The following SNX29 variants were observed in gnomAD, a reference collection of about 807,000 sequenced individuals.
The protein encoded by SNX29 is sorting nexin-29.
Under a neutral mutation model 102.1 loss-of-function variants are expected in SNX29, and 78 were observed. The observed-to-expected ratio is 0.76, with a 90% confidence interval of 0.64 to 0.92. The LOEUF (loss-of-function observed/expected upper bound fraction) is 0.92, where lower values mean the gene tolerates loss of function less well. Among genes scored for constraint, SNX29 ranks in the 40% least tolerant of loss-of-function variants. SNX29 has a pLI of 0.00. For missense variants in SNX29, 1,280 were observed against 1,061.7 expected, an observed-to-expected ratio of 1.21 and a Z score of -2.86; for synonymous variants, 580 against 414.5, an observed-to-expected ratio of 1.40 and a Z score of -4.85.
At chr16:12,133,873 G>A (rs2054563442) in intron 13 of SNX29, among the ~76,000 whole-genome samples, 1 of 152,220 alleles carries the variant, frequency 6.6e-6, no homozygotes, top group South Asian at 2.1e-4. Context: ...GTATATGTGT[G>A]TTTCACTGGC....
At chr16:12,131,782 G>A (rs2054478080) in intron 13 of SNX29, among the ~76,000 whole-genome samples, 1 of 152,220 alleles carries the variant, frequency 6.6e-6, no homozygotes, top group South Asian at 2.1e-4. Context: ...GTTAGATGCT[G>A]TGAATGGCTC....
chr16:12,527,308 G>A (rs1404607785), intron 20 of SNX29: 5 of 531,698 alleles, frequency 9.4e-6, no homozygotes, highest in Admixed American at 2.2e-5. Context: ...AGAAAGCAGC[G>A]AGACTGCTGT....
At chr16:12,557,339 C>T (rs11646038) in intron 20 of SNX29, 29,827 of 151,778 alleles carry the variant, frequency 0.2, 3,103 homozygotes, top group East Asian at 0.43. Flanking sequence ...ATGGGAAGAA[C>T]CTCAGAAGAG....
At chr16:12,262,050 A>C (rs955603859) in intron 14 of SNX29, among the ~76,000 whole-genome samples, 26 of 139,140 alleles carry the variant, frequency 1.9e-4, no homozygotes, top group Non-Finnish European at 3.8e-4. Flanking sequence ...CCCCGGCTGG[A>C]GTGAGTGTTT....
At chr16:11,977,226 C>T (rs2055321531) in intron 1 of SNX29, among the ~76,000 whole-genome samples, 2 of 152,114 alleles carry the variant, frequency 1.3e-5, no homozygotes, top group South Asian at 2.1e-4. Context: ...CTACCCAGGC[C>T]CCTGGTCTCC....
chr16:12,213,916 T>C (rs1286889511), intron 14 of SNX29, among the ~76,000 whole-genome samples: 1 of 152,200 alleles, frequency 6.6e-6, no homozygotes, highest in Admixed American at 6.5e-5. Flanking sequence ...CTGCTGCTTC[T>C]GGTGGCCTTG....
At chr16:12,355,270 C>T (rs974960680) in intron 15 of SNX29, among the ~76,000 whole-genome samples, 4 of 152,166 alleles carry the variant, frequency 2.6e-5, no homozygotes, top group Non-Finnish European at 4.4e-5. Context: ...TCCTCAGATA[C>T]GACACACATT....
intron 16 of SNX29, among the ~76,000 whole-genome samples, chr16:12,371,615 T>G (rs931188863): frequency 1.3e-5 from 2 of 152,198 alleles, no homozygotes; most frequent in African/African-American, 4.8e-5. Context: ...AGATTTTTAT[T>G]TCTGTTCGGG....
At chr16:12,245,082 C>T (rs1410779404) in intron 14 of SNX29, among the ~76,000 whole-genome samples, 2 of 152,230 alleles carry the variant, frequency 1.3e-5, no homozygotes, top group African/African-American at 4.8e-5. Context: ...TCCCCGCCCC[C>T]CTAACAAAAA....
intron 19 of SNX29, among the ~76,000 whole-genome samples, chr16:12,491,651 G>A (rs2088552787): frequency 6.6e-6 from 1 of 151,952 alleles, no homozygotes; most frequent in Non-Finnish European, 1.5e-5. Context: ...TTAGCATTAG[G>A]TATATCTCCT....
intron 20 of SNX29, among the ~76,000 whole-genome samples, chr16:12,562,726 T>C (rs1206083065): frequency 6.6e-6 from 1 of 152,198 alleles, no homozygotes; most frequent in African/African-American, 2.4e-5. Flanking sequence ...TGGTACTGTT[T>C]CTCGCTTTTA....
chr16:12,291,425 C>T (rs1406608285), intron 15 of SNX29, among the ~76,000 whole-genome samples: 1 of 152,154 alleles, frequency 6.6e-6, no homozygotes, highest in African/African-American at 2.4e-5. Flanking sequence ...AAAGACCCGC[C>T]CCCATCATTC....
rs547244369 is a variant in SNX29, at chr16:12,140,506, G to A, written c.1595+10748G>A. Among the ~76,000 whole-genome samples, 50 of 152,338 alleles carry A rather than the reference G, an allele frequency of 3.3e-4. 1 individual carries two copies. Among genetic ancestry groups the A allele is most frequent in the Admixed American group, 8.5e-4 (13 of 15,298 alleles). On this transcript the variant is annotated intron_variant, in intron 13 of 20. Transcript: ENST00000566228. The stretch of plus-strand genomic sequence containing the variant: ...GAGAGTTTGCTTAAAAGGAAAACCA[G>A]GATGTTCCTCCCATCAGATTGGGGG...
intron 14 of SNX29, among the ~76,000 whole-genome samples, chr16:12,218,978 G>C (rs1199425343): frequency 6.6e-6 from 1 of 152,110 alleles, no homozygotes; most frequent in Non-Finnish European, 1.5e-5. Flanking sequence ...GTTTCACTGT[G>C]TTAGCCAGGT....
At chr16:12,147,693 C>T (rs1253482370) in intron 13 of SNX29, among the ~76,000 whole-genome samples, 1 of 152,220 alleles carries the variant, frequency 6.6e-6, no homozygotes, top group Admixed American at 6.5e-5. Context: ...TCCCTCTTTG[C>T]CTCCGGAGAG....
rs987752553 is a variant in SNX29 at position 12,569,201 on chromosome 16, A to G, written c.*572A>G. The G allele has an allele frequency of 3.2e-5, 7 of 220,124 alleles. No individual in the cohort carries two copies. The highest frequency in any genetic ancestry group is 6.8e-5 in the African/African-American group (3 of 43,956). The allele number at this position is 220,124 out of a possible 1,614,324, so 13.6% of individuals were successfully genotyped here. On this transcript the variant is annotated 3_prime_UTR_variant, in exon 21 of 21. Coordinates refer to ENST00000566228, the MANE Select transcript of SNX29 (RefSeq NM_032167.5). ...GTCATTAGACACCTGGCACTGTCAC[A>G]GCTCACTTTTCCAGAGGGATATTCC...
rs183511531 is a variant in SNX29, at chr16:12,565,707, G to C, written c.2319-2799G>C. On this transcript the variant is annotated intron_variant, in intron 20 of 20. Transcript: ENST00000566228. ...TGCCTTCCAGGAAGGGGAAGCAGCT[G>C]GGCCGGGTCTGCCCGGCTACAAGTC... Among the ~76,000 whole-genome samples, 1,335 of 147,446 alleles carry C rather than the reference G, an allele frequency of 9.1e-3. 18 individuals are homozygous for C. The highest frequency in any genetic ancestry group is 0.034 in the African/African-American group (1,274 of 37,044).
intron 20 of SNX29, among the ~76,000 whole-genome samples, chr16:12,529,342 G>A (rs1394154743): frequency 1.3e-5 from 2 of 152,172 alleles, no homozygotes; most frequent in Admixed American, 1.3e-4. Context: ...TGGGGAAGGG[G>A]TGGTTACTAA....
chr16:12,519,763 T>C (rs1463125105), intron 19 of SNX29, among the ~76,000 whole-genome samples: 1 of 152,068 alleles, frequency 6.6e-6, no homozygotes, highest in African/African-American at 2.4e-5. Context: ...CCGAGGCAGG[T>C]GGATCACCTG....
Sources: allele counts gnomAD v4.1 joint callset (sites outside exome capture counted in the v4.1 genomes callset), GRCh38; gene constraint gnomAD v4.1.1; transcripts MANE v1.5; gene names NCBI Gene and HGNC (gene_info 2026-07-23, HGNC 2026-07-21).